The following BMP4 variants were observed in gnomAD, a reference collection of about 807,000 sequenced individuals.
BMP4 encodes the protein bone morphogenetic protein 4, also known as bone morphogenetic protein 2B.
A neutral mutation model predicts 29.6 loss-of-function variants in BMP4; 3 were observed. The observed-to-expected ratio is 0.10, with a 90% confidence interval of 0.05 to 0.26. The LOEUF is 0.26. Among genes scored for constraint, BMP4 ranks in the 10% least tolerant of loss-of-function variants. The probability of loss-of-function intolerance (pLI) is 1.00; values close to 1 mark genes in which losing one functional copy is unlikely to be tolerated. For missense variants in BMP4, 455 were observed against 550.2 expected (o/e 0.83, Z 1.73); for synonymous variants, 197 against 213.2 (o/e 0.92, Z 0.66).
intron 2 of BMP4, among the ~76,000 whole-genome samples, 158 bp from the exon 3 acceptor site, chr14:53,952,387 C>CT: frequency 6.8e-6 from 1 of 147,428 alleles, no homozygotes; most frequent in South Asian, 2.2e-4. Context: ...TCCCTCACAC[C>CT]ACCCGCCCAC....
In BMP4 at chr14:53,950,836, G is replaced by A; in HGVS notation, c.423C>T (p.Leu141=). 6.2e-7 allele frequency: 1 copy of A among 1,609,772 alleles called. No homozygotes were observed. The highest frequency in any genetic ancestry group is 1.3e-5 in the African/African-American group (1 of 75,072). The part of the protein sequence containing the change: ...GTSENSAFRF[L]FNLSSIPENE... ...TCTCAGGGATGCTGCTGAGGTTAAA[G>A]AGGAAACGAAAAGCAGAGTTTTCAC... The change falls in exon 4 of 4, where the codon CTC becomes CTT. Residue 141 remains leucine (L), a synonymous_variant. Transcript: ENST00000245451. This position sits in a 1 kb window ranked among gnomAD's most constrained non-coding sequence, Gnocchi z 5.4.
Position 53,950,258 on chromosome 14 carries a change from G to A in BMP4, c.1001C>T (p.Ala334Val), listed in dbSNP as rs550409227. 3.7e-6 allele frequency: 6 copies of A among 1,614,268 alleles called. No individual in the cohort carries two copies. The highest frequency in any genetic ancestry group is 3.4e-6 in the Non-Finnish European group (4 of 1,180,046). ...GGGGCAGTCCCCATGGCAGTAGAAG[G>A]CCTGGTAGCCTGGTGGGGCCACAAT... ...DWIVAPPGYQ[A>V]FYCHGDCPFP... Residue 334 changes from alanine to valine, a missense_variant, in exon 4 of 4, where the codon GCC (alanine) becomes GTC (valine). Transcript: ENST00000245451. This position sits in a 1 kb window ranked among gnomAD's most constrained non-coding sequence, Gnocchi z 5.4.
In BMP4 at chr14:53,949,883, C is replaced by CTTTT. The variant is rs1555339771; in HGVS notation, c.*145_*148dup. ...AAGGTGAATGTTTAGGGATTTTTTC[C>CTTTT]TTTTTTTTTTTTTTTTTTAAATAAA... On this transcript the variant is annotated 3_prime_UTR_variant, in exon 4 of 4. Transcript: ENST00000245451. The CTTTT allele has an allele frequency of 5.2e-4, 336 of 644,084 alleles. No homozygotes were observed. Among genetic ancestry groups the CTTTT allele is most frequent in the African/African-American group, 2.6e-3 (118 of 46,052 alleles). 39.9% of individuals were successfully genotyped at this position (644,084 alleles called of 1,614,324 possible). A position where few individuals can be genotyped will look rare whatever the true frequency, so the allele number is the denominator to read the frequency against.
In BMP4 at chr14:53,952,121, T is replaced by A; in HGVS notation, c.102A>T (p.Lys34Asn). 1 of 1,613,576 alleles carries A rather than the reference T, an allele frequency of 6.2e-7. No homozygotes were observed. Among genetic ancestry groups the A allele is most frequent in the Non-Finnish European group, 8.5e-7 (1 of 1,179,512 alleles). ...CCGCGTGGCCCTGAATCTCGGCGAC[T>A]TTTTTCTTCCCCGTCTCAGGTATCA... ...ASLIPETGKK[K>N]VAEIQGHAGG... Residue 34 changes from lysine (K) to asparagine (N), a missense_variant, in exon 3 of 4, where the codon AAA becomes AAT. Around this residue, in one of 4 missense-constraint regions of BMP4, gnomAD observed 249 missense variants for 284.6 expected, o/e 0.87. Coordinates refer to ENST00000245451, the MANE Select transcript of BMP4 (RefSeq NM_001202.6).
rs1048456200 is a variant in BMP4, at chr14:53,955,586, A to C, written c.-133+964T>G. 1 of 152,220 alleles carries C rather than the reference A, an allele frequency of 6.6e-6. No homozygotes were observed. The highest frequency in any genetic ancestry group is 1.5e-5 in the Non-Finnish European group (1 of 68,048). 9.4% of individuals were successfully genotyped at this position (152,220 alleles called of 1,614,324 possible). A position where few individuals can be genotyped will look rare whatever the true frequency, so the allele number is the denominator to read the frequency against. ...TGTTTACAGGTAGCCTCAGTTTACC[A>C]AGTATGTATCTTTTGGGGGTTTAAC... is the stretch of plus-strand genomic sequence containing the variant. On this transcript the variant is annotated intron_variant, in intron 1 of 3. Coordinates refer to ENST00000245451, the MANE Select transcript of BMP4 (RefSeq NM_001202.6). This position sits in a 1 kb window ranked among gnomAD's most constrained non-coding sequence, Gnocchi z 4.0.
In BMP4 at chr14:53,950,204, G is replaced by A; in HGVS notation, c.1055C>T (p.Thr352Ile). 6.2e-7 allele frequency: 1 copy of A among 1,614,244 alleles called. No homozygotes were observed. The highest frequency in any genetic ancestry group is 8.5e-7 in the Non-Finnish European group (1 of 1,180,050). The part of the protein sequence containing the change: ...PFPLADHLNS[T>I]NHAIVQTLVN... ...CAGGGTCTGCACAATGGCATGGTTG[G>A]TTGAGTTGAGGTGGTCAGCCAGTGG... is the stretch of plus-strand genomic sequence containing the variant. The change falls in exon 4 of 4, where the codon ACC becomes ATC. Residue 352 changes from threonine to isoleucine, a missense_variant. Around this residue, in one of 4 missense-constraint regions of BMP4, gnomAD observed 48 missense variants for 90.4 expected, o/e 0.53. Coordinates refer to ENST00000245451, the MANE Select transcript of BMP4 (RefSeq NM_001202.6). The surrounding 1 kb of genome is among the most constrained non-coding windows in gnomAD (Gnocchi z 5.4).
intron 2 of BMP4, among the ~76,000 whole-genome samples, chr14:53,952,529 A>C (rs1231028065): frequency 1.3e-5 from 2 of 151,956 alleles, no homozygotes; most frequent in African/African-American, 4.8e-5. Context: ...CCTAACTGCT[A>C]TCTGGGCCAT....
At chr14:53,956,153 C>G (rs1211095065) in intron 1 of BMP4, among the ~76,000 whole-genome samples, 1 of 152,164 alleles carries the variant, frequency 6.6e-6, no homozygotes, top group African/African-American at 2.4e-5. Context: ...TGCCCCCTCA[C>G]TCTCTCTGGA....
chr14:53,956,639 T>C lies in BMP4; in HGVS notation c.-222A>G. On this transcript the variant is annotated 5_prime_UTR_variant, in exon 1 of 4. Transcript: ENST00000245451. ...GAACCTGGGCGAGGGCCGGGGACTG[T>C]GGCGCTGCAGGCTCGAGATAGCTTG... The C allele has an allele frequency of 2.5e-6, 1 of 399,276 alleles. No homozygotes were observed. The highest frequency in any genetic ancestry group is 4.4e-6 in the Non-Finnish European group (1 of 226,326). 24.7% of individuals were successfully genotyped at this position (399,276 alleles called of 1,614,324 possible).
rs1555339771 is a variant in BMP4 at position 53,949,883 on chromosome 14, CTTT to C, written c.*146_*148del. ...AAGGTGAATGTTTAGGGATTTTTTC[CTTT>C]TTTTTTTTTTTTTTTAAATAAAAGT... On this transcript the variant is annotated 3_prime_UTR_variant, in exon 4 of 4. Coordinates refer to ENST00000245451, the MANE Select transcript of BMP4 (RefSeq NM_001202.6). The C allele has an allele frequency of 9.6e-4, 617 of 642,928 alleles. No individual in the cohort carries two copies. Among genetic ancestry groups the C allele is most frequent in the Middle Eastern group, 1.8e-3 (4 of 2,196 alleles). 39.8% of individuals were successfully genotyped at this position (642,928 alleles called of 1,614,324 possible).
At chr14:53,953,929 A>ACC (rs71446481) in intron 1 of BMP4, among the ~76,000 whole-genome samples, 47,848 of 148,384 alleles carry the variant, frequency 0.32, 8,912 homozygotes, top group East Asian at 0.43. Context: ...GTACACACAC[A>ACC]CCCCCCCACA....
In BMP4 at chr14:53,954,303, G is replaced by A. The variant is rs898268707; in HGVS notation, c.-132-903C>T. The A allele has an allele frequency of 1.3e-5, 2 of 152,118 alleles. No individual in the cohort carries two copies. The highest frequency in any genetic ancestry group is 2.9e-5 in the Non-Finnish European group (2 of 68,084). The allele number at this position is 152,118 out of a possible 1,614,324, so 9.4% of individuals were successfully genotyped here. ...GGCTGAGGGACAGACGCCGGGGCTCGAAGCTCCGGGCAGATTCAGAAAGAG... is the reference window on the plus strand; with the variant it reads ...GGCTGAGGGACAGACGCCGGGGCTCAAAGCTCCGGGCAGATTCAGAAAGAG... On this transcript the variant is annotated intron_variant, in intron 1 of 3. Transcript: ENST00000245451. The surrounding 1 kb of genome is among the most constrained non-coding windows in gnomAD (Gnocchi z 4.8).
rs2855530 is a variant in BMP4 at position 53,955,199 on chromosome 14, G to C, written c.-133+1351C>G. Among the ~76,000 whole-genome samples, 75,381 of 152,074 alleles carry C rather than the reference G, an allele frequency of 0.5. 18,809 individuals are homozygous for C. The highest frequency in any genetic ancestry group is 0.52 in the Middle Eastern group (153 of 294). ...ACGCAGAAGCCCTTTAAAAAGCCCG[G>C]CGAGGAGAGGTCCAGAAGTAGAGAA... is the stretch of plus-strand genomic sequence containing the variant. On this transcript the variant is annotated intron_variant, in intron 1 of 3. Transcript: ENST00000245451. This position sits in a 1 kb window ranked among gnomAD's most constrained non-coding sequence, Gnocchi z 4.0.
At chr14:53,953,950 C>A in intron 1 of BMP4, among the ~76,000 whole-genome samples, 1 of 150,516 alleles carries the variant, frequency 6.6e-6, no homozygotes, top group South Asian at 2.1e-4. Context: ...CACACACAAG[C>A]AAACACGAGC....
chr14:53,955,078 G>A lies in BMP4; in HGVS notation c.-133+1472C>T, dbSNP rs563839238. On this transcript the variant is annotated intron_variant, in intron 1 of 3. Coordinates refer to ENST00000245451, the MANE Select transcript of BMP4 (RefSeq NM_001202.6). This position sits in a 1 kb window ranked among gnomAD's most constrained non-coding sequence, Gnocchi z 4.0. Reference sequence around the variant, plus strand: ...GCGCGACCGTCCGCGCCCGGCAAGAGCCGCGCGGCTTTCGCCTTTGCTGGT... The same window carrying A: ...GCGCGACCGTCCGCGCCCGGCAAGAACCGCGCGGCTTTCGCCTTTGCTGGT... Among the ~76,000 whole-genome samples, 1 of 152,336 alleles carries A rather than the reference G, an allele frequency of 6.6e-6. No homozygotes were observed. The highest frequency in any genetic ancestry group is 2.1e-4 in the South Asian group (1 of 4,834).
In BMP4 at chr14:53,956,694, G is replaced by C; in HGVS notation, c.-277C>G. 2.5e-6 allele frequency: 1 copy of C among 399,204 alleles called. No homozygotes were observed. Among genetic ancestry groups the C allele is most frequent in the East Asian group, 3.6e-5 (1 of 28,060 alleles). The allele number at this position is 399,204 out of a possible 1,614,324, so 24.7% of individuals were successfully genotyped here. A position where few individuals can be genotyped will look rare whatever the true frequency, so the allele number is the denominator to read the frequency against. Reference sequence around the variant, plus strand: ...GGAATCCCATCGGGGAGACAAGCTAGATACTCAGCCGGAGCAGCAGCGGCG... The same window carrying C: ...GGAATCCCATCGGGGAGACAAGCTACATACTCAGCCGGAGCAGCAGCGGCG... On this transcript the variant is annotated 5_prime_UTR_variant, in exon 1 of 4. It adds an upstream start codon to the 5' untranslated region. Transcript: ENST00000245451.
rs1473247556 is a variant in BMP4 at position 53,954,800 on chromosome 14, G to A, written c.-132-1400C>T. Among the ~76,000 whole-genome samples, 1 of 152,062 alleles carries A rather than the reference G, an allele frequency of 6.6e-6. No homozygotes were observed. The highest frequency in any genetic ancestry group is 6.5e-5 in the Admixed American group (1 of 15,272). On this transcript the variant is annotated intron_variant, in intron 1 of 3. Coordinates refer to ENST00000245451, the MANE Select transcript of BMP4 (RefSeq NM_001202.6). This position sits in a 1 kb window ranked among gnomAD's most constrained non-coding sequence, Gnocchi z 4.8. ...CGGGCCCCATGACTCCTGCCCCAAAGCCCACTCCACCCGACCTCCCTTTCC... is the reference window on the plus strand; with the variant it reads ...CGGGCCCCATGACTCCTGCCCCAAAACCCACTCCACCCGACCTCCCTTTCC...
At position 53,950,886 on chromosome 14, in the gene BMP4, G is replaced by A. The variant is rs781409191; in HGVS notation, c.373C>T (p.His125Tyr). The A allele has an allele frequency of 1.2e-6, 2 of 1,601,818 alleles. No individual in the cohort carries two copies. Among genetic ancestry groups the A allele is most frequent in the Non-Finnish European group, 8.5e-7 (1 of 1,179,970 alleles). The change falls in exon 4 of 4, where the codon CAT becomes TAT. Residue 125 changes from histidine (H) to tyrosine (Y), a missense_variant and splice_region_variant. His to Tyr is a moderately conservative substitution (Grantham distance 83, BLOSUM62 2). Coordinates refer to ENST00000245451, the MANE Select transcript of BMP4 (RefSeq NM_001202.6). This position sits in a 1 kb window ranked among gnomAD's most constrained non-coding sequence, Gnocchi z 5.4. ...CTGGTCCCTGGGATGTTCTCCAGATGTTCTAGGCACAGTTAGGAAGGAAGG... is the reference window on the plus strand; with the variant it reads ...CTGGTCCCTGGGATGTTCTCCAGATATTCTAGGCACAGTTAGGAAGGAAGG... The part of the protein sequence containing the change: ...NTVRSFHHEE[H>Y]LENIPGTSEN...
chr14:53,953,337 T>G lies in BMP4; in HGVS notation c.-69A>C, dbSNP rs1332676864. ...TCTTGACAGCCAATCTTGAACAAAC[T>G]TGCTGGAAAGGCTCAGGGAAGCTGC... On this transcript the variant is annotated 5_prime_UTR_variant, in exon 2 of 4. Transcript: ENST00000245451. 2.5e-6 allele frequency: 1 copy of G among 399,104 alleles called. No homozygotes were observed. The highest frequency in any genetic ancestry group is 4.4e-6 in the Non-Finnish European group (1 of 226,148). The allele number at this position is 399,104 out of a possible 1,614,324, so 24.7% of individuals were successfully genotyped here. A position where few individuals can be genotyped will look rare whatever the true frequency, so the allele number is the denominator to read the frequency against.
Sources: allele counts gnomAD v4.1 joint callset (sites outside exome capture counted in the v4.1 genomes callset), GRCh38; gene constraint gnomAD v4.1.1; regional missense constraint gnomAD v4.1.1; non-coding constraint Gnocchi (gnomAD v3.1); transcripts MANE v1.5; gene names NCBI Gene and HGNC (gene_info 2026-07-23, HGNC 2026-07-21).